FBXL7: variants seen among roughly 807,000 people sequenced by gnomAD.
FBXL7 encodes F-box/LRR-repeat protein 7.
Under a neutral mutation model 38.3 loss-of-function variants are expected in FBXL7, and 12 were observed. The ratio of observed to expected loss-of-function variants is 0.31; its 90% CI spans 0.20 to 0.51. FBXL7 has a LOEUF of 0.51. FBXL7 is among the 20% of genes least tolerant of loss of function. The probability of loss-of-function intolerance (pLI) is 0.98; values close to 1 mark genes in which losing one functional copy is unlikely to be tolerated. For missense variants in FBXL7, 567 were observed against 676.4 expected (o/e 0.84, Z 1.79); for synonymous variants, 297 against 300.9 (o/e 0.99, Z 0.13).
intron 2 of FBXL7, among the ~76,000 whole-genome samples, chr5:15,741,012 A>G (rs1417841213): frequency 6.6e-6 from 1 of 152,196 alleles, no homozygotes; most frequent in Non-Finnish European, 1.5e-5. Flanking sequence ...TTCTTATAGT[A>G]AGCATATTGT....
rs373794052 is a variant in FBXL7 at position 15,548,948 on chromosome 5, A to C, written c.37+48235A>C. Among the ~76,000 whole-genome samples, 65 of 152,340 alleles carry C rather than the reference A, an allele frequency of 4.3e-4. 1 individual carries two copies. In the South Asian group the frequency reaches 0.013, roughly 32 times the overall value. On this transcript the variant is annotated intron_variant, in intron 1 of 3. Coordinates refer to ENST00000504595, the MANE Select transcript of FBXL7 (RefSeq NM_012304.5). ...CTGTAAAGATAAGCTATCAATTTAC[A>C]TTGCCATGGTGAAATCTTAGGGTGA...
At chr5:15,507,028 T>C (rs570178284) in intron 1 of FBXL7, among the ~76,000 whole-genome samples, 1 of 151,230 alleles carries the variant, frequency 6.6e-6, no homozygotes, top group East Asian at 1.9e-4. Flanking sequence ...CATCCACTTA[T>C]AACAGATAAT....
At chr5:15,710,594 A>G (rs1040229529) in intron 2 of FBXL7, among the ~76,000 whole-genome samples, 5 of 152,190 alleles carry the variant, frequency 3.3e-5, no homozygotes, top group African/African-American at 1.2e-4. Flanking sequence ...CTTCCCCAGT[A>G]GGAGGTAAGC....
intron 1 of FBXL7, among the ~76,000 whole-genome samples, chr5:15,561,105 G>A (rs1344604456): frequency 6.6e-6 from 1 of 152,086 alleles, no homozygotes; most frequent in Non-Finnish European, 1.5e-5. Flanking sequence ...GAAGTAAAGA[G>A]TTTCTTAGCA....
At chr5:15,792,335 C>A (rs146051643) in intron 2 of FBXL7, among the ~76,000 whole-genome samples, 1 of 152,222 alleles carries the variant, frequency 6.6e-6, no homozygotes, top group Non-Finnish European at 1.5e-5. Context: ...ATTGTGAACC[C>A]AGTTAGTCAT....
intron 2 of FBXL7, among the ~76,000 whole-genome samples, chr5:15,894,282 A>C (rs1298512310): frequency 6.6e-6 from 1 of 152,086 alleles, no homozygotes; most frequent in African/African-American, 2.4e-5. Flanking sequence ...CAAACAAAAC[A>C]AACAAACAAA....
At chr5:15,500,779 G>C in intron 1 of FBXL7, 66 bp downstream of exon 1, 2 of 1,568,482 alleles carry the variant, frequency 1.3e-6, no homozygotes, top group Non-Finnish European at 1.7e-6. Flanking sequence ...TCGCCCTCCC[G>C]ACTGGGAAGG....
At chr5:15,728,566 A>G (rs1735486669) in intron 2 of FBXL7, among the ~76,000 whole-genome samples, 3 of 152,154 alleles carry the variant, frequency 2.0e-5, no homozygotes, top group Non-Finnish European at 4.4e-5. Context: ...AGAAAGCCTG[A>G]GTCAATTATG....
At chr5:15,661,373 C>A (rs2126584536) in intron 2 of FBXL7, among the ~76,000 whole-genome samples, 1 of 145,398 alleles carries the variant, frequency 6.9e-6, no homozygotes, top group East Asian at 2.1e-4. Context: ...TTCTTCCGTT[C>A]TAAGTTGTAT....
intron 2 of FBXL7, among the ~76,000 whole-genome samples, chr5:15,912,514 C>T (rs939331703): frequency 4.0e-5 from 6 of 149,722 alleles, no homozygotes; most frequent in Middle Eastern, 3.4e-3. Context: ...AGCTGTAGAC[C>T]GGAGCTGTTC....
chr5:15,621,319 A>T (rs562661430), intron 2 of FBXL7, among the ~76,000 whole-genome samples: 35 of 152,240 alleles, frequency 2.3e-4, no homozygotes, highest in African/African-American at 8.4e-4. Context: ...AAGGCTGGAA[A>T]TTTTCCATTT....
At chr5:15,520,362 A>G (rs1459564070) in intron 1 of FBXL7, among the ~76,000 whole-genome samples, 1 of 152,176 alleles carries the variant, frequency 6.6e-6, no homozygotes, top group Non-Finnish European at 1.5e-5. Context: ...ACACGCCTCT[A>G]ACAGTTTCAT....
intron 2 of FBXL7, among the ~76,000 whole-genome samples, chr5:15,880,581 A>G (rs1340040602): frequency 2.0e-5 from 3 of 152,002 alleles, no homozygotes; most frequent in Non-Finnish European, 4.4e-5. Context: ...GTTTCATTTT[A>G]TTTCATTTTT....
intron 2 of FBXL7, among the ~76,000 whole-genome samples, chr5:15,641,502 A>ATTTT (rs201635639): frequency 7.0e-6 from 1 of 143,290 alleles, no homozygotes; most frequent in African/African-American, 2.6e-5. Context: ...TATGACTGCC[A>ATTTT]TTTTTTTTTT....
At chr5:15,590,136 T>C (rs1036758795) in intron 1 of FBXL7, among the ~76,000 whole-genome samples, 2 of 152,180 alleles carry the variant, frequency 1.3e-5, no homozygotes, top group East Asian at 1.9e-4. Context: ...AGAAGAGCTA[T>C]GGAGTAATGG....
At chr5:15,618,999 G>T (rs1740537693) in intron 2 of FBXL7, among the ~76,000 whole-genome samples, 1 of 152,162 alleles carries the variant, frequency 6.6e-6, no homozygotes, top group Non-Finnish European at 1.5e-5. Flanking sequence ...AAAAAGAGAA[G>T]TTCATGTGCC....
intron 2 of FBXL7, among the ~76,000 whole-genome samples, chr5:15,815,324 A>G (rs6896361): frequency 0.031 from 4,657 of 152,256 alleles, 247 homozygotes; most frequent in African/African-American, 0.11. Context: ...TCAACATAAA[A>G]TAGCTGTCCA....
intron 2 of FBXL7, among the ~76,000 whole-genome samples, chr5:15,883,117 A>G (rs1227568272): frequency 2.0e-5 from 3 of 152,174 alleles, no homozygotes; most frequent in Admixed American, 6.5e-5. Context: ...CAAATTTATC[A>G]TCATATATTA....
chr5:15,621,282 T>C (rs897688999), intron 2 of FBXL7, among the ~76,000 whole-genome samples: 1 of 152,238 alleles, frequency 6.6e-6, no homozygotes, highest in Admixed American at 6.5e-5. Context: ...TTCCTGACAC[T>C]GTAGGGGGGG....
Sources: gnomAD v4.1 joint callset for allele counts (sites outside exome capture counted in the v4.1 genomes callset) on GRCh38, gnomAD v4.1.1 for gene constraint, MANE v1.5 for transcripts, NCBI Gene and HGNC (gene_info 2026-07-23, HGNC 2026-07-21) for gene names.